The following CD302 variants were observed in gnomAD, a reference collection of about 807,000 sequenced individuals.
The protein encoded by CD302 is CD302 antigen.
In CD302, 23 loss-of-function variants were observed where a neutral mutation model predicts 26.5. That is an observed-to-expected ratio of 0.87 (90% CI 0.62 to 1.23). CD302 has a LOEUF of 1.23. Among genes scored for constraint, CD302 ranks in the 50% most tolerant of loss-of-function variants. The pLI, the probability that CD302 is intolerant of heterozygous loss-of-function variation, is 0.00. For missense variants in CD302, 290 were observed against 275.5 expected (o/e 1.05, Z -0.37); for synonymous variants, 90 against 99.4 (o/e 0.91, Z 0.56).
At chr2:159,775,005 T>C (rs1347910233) in intron 5 of CD302, among the ~76,000 whole-genome samples, 1 of 152,226 alleles carries the variant, frequency 6.6e-6, no homozygotes, top group African/African-American at 2.4e-5. Flanking sequence ...TGCAAAATCA[T>C]GGCCTTATTA....
intron 1 of CD302, among the ~76,000 whole-genome samples, chr2:159,795,115 C>G (rs1451645731): frequency 6.6e-6 from 1 of 151,092 alleles, no homozygotes; most frequent in Non-Finnish European, 1.5e-5. Context: ...CCCAGCTACT[C>G]GGGAGGCTGA....
intron 5 of CD302, among the ~76,000 whole-genome samples, chr2:159,775,315 A>G (rs1423259977): frequency 6.6e-6 from 1 of 152,256 alleles, no homozygotes; most frequent in Non-Finnish European, 1.5e-5. Flanking sequence ...GCATACATGT[A>G]ATGAATTCAG....
Position 159,771,888 on chromosome 2 carries a change from A to G in CD302, c.662T>C (p.Val221Ala). The change falls in exon 6 of 6, where the codon GTT (valine) becomes GCT (alanine). Residue 221 changes from valine to alanine, a missense_variant. Coordinates refer to ENST00000259053, the MANE Select transcript of CD302 (RefSeq NM_014880.5). ...SPYNEDCVLVVGEENEYPVQF... is the reference protein window; with the variant it reads ...SPYNEDCVLVAGEENEYPVQF... ...AACAGGATATTCATTTTCTTCTCCAACTACCAAAACACAGTCTTCATTATA... is the reference window on the plus strand; with the variant it reads ...AACAGGATATTCATTTTCTTCTCCAGCTACCAAAACACAGTCTTCATTATA... The G allele has an allele frequency of 6.2e-7, 1 of 1,613,990 alleles. No individual in the cohort carries two copies. The highest frequency in any genetic ancestry group is 8.5e-7 in the Non-Finnish European group (1 of 1,179,908).
intron 1 of CD302, among the ~76,000 whole-genome samples, chr2:159,796,973 A>G (rs544910887): frequency 7.2e-5 from 11 of 152,320 alleles, no homozygotes; most frequent in African/African-American, 2.6e-4. Flanking sequence ...TGTCTTAGAC[A>G]AAATTAATGT....
At chr2:159,796,952 CAGCCCAGCTTTGTCTT>C (rs1489630451) in intron 1 of CD302, among the ~76,000 whole-genome samples, 2 of 152,170 alleles carry the variant, frequency 1.3e-5, no homozygotes, top group African/African-American at 4.8e-5. Flanking sequence ...GGTTCAGAGA[CAGCCCAGCTTTGTCTT>C]AGACAAAATT....
At chr2:159,795,896 G>A (rs769389640) in intron 1 of CD302, among the ~76,000 whole-genome samples, 2 of 152,212 alleles carry the variant, frequency 1.3e-5, no homozygotes, top group Admixed American at 1.3e-4. Context: ...TGTTCACTCA[G>A]CTCATGCCAG....
intron 1 of CD302, among the ~76,000 whole-genome samples, chr2:159,797,273 A>G (rs1682469183): frequency 6.6e-6 from 1 of 151,744 alleles, no homozygotes; most frequent in Non-Finnish European, 1.5e-5. Flanking sequence ...ACTTTATTTA[A>G]GCCCACACAA....
chr2:159,775,419 C>CGA (rs1708282684), intron 5 of CD302, among the ~76,000 whole-genome samples: 1 of 152,128 alleles, frequency 6.6e-6, no homozygotes, highest in Admixed American at 6.6e-5. Flanking sequence ...CTAAATGTTC[C>CGA]AACTTATGTG....
rs1461415060 is a variant in CD302 at position 159,771,476 on chromosome 2, C to A, written c.*375G>T. ...TGGGATGTACTTAAAATCACTTATT[C>A]CCCATTTCATGTTTACTAATAAACA... On this transcript the variant is annotated 3_prime_UTR_variant, in exon 6 of 6. Coordinates refer to ENST00000259053, the MANE Select transcript of CD302 (RefSeq NM_014880.5). The A allele has an allele frequency of 6.2e-6, 1 of 160,810 alleles. No homozygotes were observed. The highest frequency in any genetic ancestry group is 1.4e-5 in the Non-Finnish European group (1 of 73,632). The allele number at this position is 160,810 out of a possible 1,614,324, so 10.0% of individuals were successfully genotyped here.
At chr2:159,779,956 A>C (rs751070111) in intron 4 of CD302, 49 bp downstream of exon 4, 12 of 1,568,346 alleles carry the variant, frequency 7.7e-6, no homozygotes, top group Non-Finnish European at 1.0e-5. Flanking sequence ...AACCAGTCCT[A>C]CTTTCTCTGC....
chr2:159,786,326 CTTT>C (rs869267022), intron 1 of CD302, among the ~76,000 whole-genome samples: 1 of 125,198 alleles, frequency 8.0e-6, no homozygotes, highest in Admixed American at 1.0e-4. Flanking sequence ...AGCATGTTGT[CTTT>C]TTCTTTTTTT....
At chr2:159,786,895 A>C (rs1186115798) in intron 1 of CD302, among the ~76,000 whole-genome samples, 1 of 152,132 alleles carries the variant, frequency 6.6e-6, no homozygotes, top group Non-Finnish European at 1.5e-5. Context: ...TCCCTTCCAA[A>C]GGTCATCTCT....
rs912210543 is a variant in CD302, at chr2:159,769,600, C to G, written c.*2251G>C. 1 of 151,910 alleles carries G rather than the reference C, an allele frequency of 6.6e-6. No individual in the cohort carries two copies. The highest frequency in any genetic ancestry group is 1.5e-5 in the Non-Finnish European group (1 of 68,038). 9.4% of individuals were successfully genotyped at this position (151,910 alleles called of 1,614,324 possible). A position where few individuals can be genotyped will look rare whatever the true frequency, so the allele number is the denominator to read the frequency against. ...GGCGGAGATTGGAGAGAGCCAAGAT[C>G]GAGCCACTGCACTGTAGCCTGGGCA... On this transcript the variant is annotated 3_prime_UTR_variant, in exon 6 of 6. Coordinates refer to ENST00000259053, the MANE Select transcript of CD302 (RefSeq NM_014880.5).
At chr2:159,795,430 TCAAAA>T (rs1708926673) in intron 1 of CD302, among the ~76,000 whole-genome samples, 1 of 152,024 alleles carries the variant, frequency 6.6e-6, no homozygotes, top group Non-Finnish European at 1.5e-5. Context: ...GAGACACAAA[TCAAAA>T]CAAAACAAAA....
At chr2:159,776,979 G>A (rs1038418039) in intron 5 of CD302, among the ~76,000 whole-genome samples, 1 of 152,206 alleles carries the variant, frequency 6.6e-6, no homozygotes, top group Non-Finnish European at 1.5e-5. Context: ...TGGGTGGCTG[G>A]GCATGGCGGC....
chr2:159,773,357 T>C (rs1393936875), intron 5 of CD302, among the ~76,000 whole-genome samples: 1 of 152,218 alleles, frequency 6.6e-6, no homozygotes, highest in Non-Finnish European at 1.5e-5. Flanking sequence ...ATTTTCAGTG[T>C]AGAACCTCAA....
chr2:159,780,286 A>G (rs1392673017), intron 3 of CD302, 108 bp from the exon 4 acceptor site: 2 of 1,182,450 alleles, frequency 1.7e-6, no homozygotes, highest in Non-Finnish European at 2.3e-6. Context: ...TCTGGTCTAA[A>G]CTTCTGATTG....
chr2:159,788,556 A>G (rs1708727546), intron 1 of CD302, among the ~76,000 whole-genome samples: 1 of 152,246 alleles, frequency 6.6e-6, no homozygotes, highest in African/African-American at 2.4e-5. Context: ...TTAATTAAGC[A>G]ATGAATCACT....
In CD302 at chr2:159,780,863, C is replaced by T. The variant is rs535998571; in HGVS notation, c.295+19G>A. The stretch of plus-strand genomic sequence containing the variant: ...AAAAGAACAACAAAGTCACGTCCCA[C>T]GAGGTAAATATCACTTACCATCTGT... On this transcript the variant is annotated intron_variant, in intron 3 of 5. Coordinates refer to ENST00000259053, the MANE Select transcript of CD302 (RefSeq NM_014880.5). The T allele has an allele frequency of 1.1e-5, 18 of 1,592,540 alleles. No individual in the cohort carries two copies. In the African/African-American group the frequency reaches 1.7e-4, roughly 15 times the overall value.
Sources: gnomAD v4.1 joint callset for allele counts (sites outside exome capture counted in the v4.1 genomes callset) on GRCh38, gnomAD v4.1.1 for gene constraint, MANE v1.5 for transcripts, NCBI Gene and HGNC (gene_info 2026-07-23, HGNC 2026-07-21) for gene names.